The following UBR3 variants were observed in gnomAD, a reference collection of about 807,000 sequenced individuals.
UBR3 encodes E3 ubiquitin-protein ligase UBR3.
A neutral mutation model predicts 243.2 loss-of-function variants in UBR3; 85 were observed. The ratio of observed to expected loss-of-function variants is 0.35; its 90% CI spans 0.29 to 0.42. The LOEUF (loss-of-function observed/expected upper bound fraction) is 0.42, where lower values mean the gene tolerates loss of function less well. UBR3 is among the 10% of genes least tolerant of loss of function. UBR3 has a pLI of 1.00. For missense variants in UBR3, 1,686 were observed against 2,300.8 expected (o/e 0.73, Z 5.47); for synonymous variants, 748 against 799.8 (o/e 0.94, Z 1.09).
intron 5 of UBR3, among the ~76,000 whole-genome samples, chr2:169,885,442 G>A (rs367950702): frequency 3.2e-4 from 48 of 152,226 alleles, no homozygotes; most frequent in African/African-American, 1.1e-3. Flanking sequence ...TTAGCCAGGC[G>A]TGGTGGCACA....
intron 20 of UBR3, among the ~76,000 whole-genome samples, chr2:169,943,100 A>C (rs1019483197): frequency 1.3e-5 from 2 of 152,166 alleles, no homozygotes; most frequent in Non-Finnish European, 2.9e-5. Flanking sequence ...CAAGATCAAA[A>C]ATTGTTTTTG....
At chr2:169,961,181 A>G (rs981180360) in intron 24 of UBR3, among the ~76,000 whole-genome samples, 4 of 151,992 alleles carry the variant, frequency 2.6e-5, no homozygotes, top group Non-Finnish European at 4.4e-5. Context: ...TTCTTTTCCA[A>G]TGGACCAGTT....
At chr2:169,920,782 G>A (rs899428806) in intron 11 of UBR3, among the ~76,000 whole-genome samples, 1 of 152,170 alleles carries the variant, frequency 6.6e-6, no homozygotes, top group Non-Finnish European at 1.5e-5. Context: ...CCCCTGCCCT[G>A]CCTCCAGTCA....
At chr2:170,018,939 A>G (rs981377944) in intron 30 of UBR3, among the ~76,000 whole-genome samples, 2 of 152,322 alleles carry the variant, frequency 1.3e-5, no homozygotes, top group African/African-American at 4.8e-5. Flanking sequence ...TGATATTCTC[A>G]GTGTATTTCT....
intron 5 of UBR3, among the ~76,000 whole-genome samples, chr2:169,883,319 T>C (rs2083965675): frequency 6.6e-6 from 1 of 152,188 alleles, no homozygotes; most frequent in African/African-American, 2.4e-5. Flanking sequence ...TTCTCCAGCA[T>C]GGTGGTCTCA....
intron 33 of UBR3, among the ~76,000 whole-genome samples, chr2:170,060,575 T>C (rs539887318): frequency 2.4e-4 from 36 of 152,252 alleles, no homozygotes; most frequent in African/African-American, 7.9e-4. Flanking sequence ...TTTTTAAATT[T>C]GGCTCTTTTC....
intron 1 of UBR3, among the ~76,000 whole-genome samples, chr2:169,870,863 A>G (rs1379336485): frequency 1.3e-5 from 2 of 151,974 alleles, no homozygotes; most frequent in African/African-American, 4.8e-5. Context: ...CATGTTGGCC[A>G]GGCTGGTCTT....
At chr2:169,967,165 A>G (rs1241213360) in intron 24 of UBR3, among the ~76,000 whole-genome samples, 3 of 152,144 alleles carry the variant, frequency 2.0e-5, no homozygotes, top group African/African-American at 4.8e-5. Context: ...AACAAGAGCT[A>G]TTAATCAAGA....
intron 30 of UBR3, among the ~76,000 whole-genome samples, chr2:170,026,506 A>C (rs894545163): frequency 6.6e-6 from 1 of 152,110 alleles, no homozygotes; most frequent in Non-Finnish European, 1.5e-5. Flanking sequence ...GGACTGTAAA[A>C]CTAAGGTTAG....
At chr2:170,020,991 T>C (rs975431063) in intron 30 of UBR3, among the ~76,000 whole-genome samples, 4 of 152,078 alleles carry the variant, frequency 2.6e-5, no homozygotes, top group African/African-American at 9.7e-5. Flanking sequence ...GCTTGAACAC[T>C]TTCAGAGATA....
chr2:170,079,804 A>C lies in UBR3; in HGVS notation c.5200-10A>C, dbSNP rs778664292. ...ATAAAACTAATGAATATTTTTGGAT[A>C]ATGTTTTAGGCCTTGCTTATCCAAG... is the stretch of plus-strand genomic sequence containing the variant. On this transcript the variant is annotated splice_polypyrimidine_tract_variant and intron_variant, in intron 36 of 38. Transcript: ENST00000272793. The C allele has an allele frequency of 1.3e-6, 2 of 1,598,412 alleles. No homozygotes were observed. The highest frequency in any genetic ancestry group is 1.7e-6 in the Non-Finnish European group (2 of 1,174,586).
intron 23 of UBR3, among the ~76,000 whole-genome samples, chr2:169,958,215 G>A (rs963619210): frequency 2.0e-5 from 3 of 152,044 alleles, no homozygotes; most frequent in African/African-American, 7.2e-5. Flanking sequence ...GTACATCTTG[G>A]CTTTTATTTT....
chr2:169,958,549 G>T (rs747214342), intron 24 of UBR3, 23 bp downstream of exon 24: 13 of 1,595,640 alleles, frequency 8.1e-6, no homozygotes, highest in African/African-American at 1.3e-5. Context: ...TATTAGTTTA[G>T]AACTCTCATA....
rs1459121180 is a variant in UBR3, at chr2:170,080,352, C to CTAGA, written c.5410-190_5410-187dup. On this transcript the variant is annotated intron_variant, in intron 37 of 38. Coordinates refer to ENST00000272793, the MANE Select transcript of UBR3 (RefSeq NM_172070.4). ...ATTAGGTTGGCTCTTAATTGCTTTA[C>CTAGA]TAGATATTCCTTACCCAAATACCTC... 4.4e-6 allele frequency: 3 copies of CTAGA among 678,256 alleles called. No individual in the cohort carries two copies. In the African/African-American group the frequency reaches 5.4e-5, roughly 12 times the overall value. The allele number at this position is 678,256 out of a possible 1,614,324, so 42.0% of individuals were successfully genotyped here. A position where few individuals can be genotyped will look rare whatever the true frequency, so the allele number is the denominator to read the frequency against.
At chr2:169,847,521 T>C (rs1210461859) in intron 1 of UBR3, among the ~76,000 whole-genome samples, 2 of 152,218 alleles carry the variant, frequency 1.3e-5, no homozygotes, top group African/African-American at 4.8e-5. Flanking sequence ...AACATTTTAC[T>C]TTTATATATT....
intron 11 of UBR3, among the ~76,000 whole-genome samples, chr2:169,914,961 G>A (rs532176518): frequency 1.3e-5 from 2 of 151,898 alleles, no homozygotes; most frequent in East Asian, 1.9e-4. Context: ...ATTCTTGAAC[G>A]ATTTGAGAGT....
intron 1 of UBR3, among the ~76,000 whole-genome samples, chr2:169,843,831 T>G (rs944023362): frequency 3.7e-4 from 56 of 152,190 alleles, no homozygotes; most frequent in African/African-American, 1.3e-3. Flanking sequence ...GGCACCCTCC[T>G]CTTTATTTTG....
chr2:170,010,925 G>A (rs967529549), intron 29 of UBR3, among the ~76,000 whole-genome samples: 2 of 151,812 alleles, frequency 1.3e-5, no homozygotes, highest in Non-Finnish European at 1.5e-5. Context: ...GAACTTGAGA[G>A]ACCAAGGCAG....
At chr2:170,069,796 C>G (rs1041717013) in intron 35 of UBR3, among the ~76,000 whole-genome samples, 3 of 151,962 alleles carry the variant, frequency 2.0e-5, no homozygotes, top group African/African-American at 7.2e-5. Flanking sequence ...AGTCATCCAT[C>G]GCTATCTGTA....
Sources: allele counts gnomAD v4.1 joint callset (sites outside exome capture counted in the v4.1 genomes callset), GRCh38; gene constraint gnomAD v4.1.1; transcripts MANE v1.5; gene names NCBI Gene and HGNC (gene_info 2026-07-23, HGNC 2026-07-21).